The following PRKCB variants were observed in gnomAD, a reference collection of about 807,000 sequenced individuals.
The protein encoded by PRKCB is protein kinase C beta, also known as protein kinase C beta type.
Under a neutral mutation model 81.5 loss-of-function variants are expected in PRKCB, and 13 were observed. The ratio of observed to expected loss-of-function variants is 0.16; its 90% CI spans 0.10 to 0.25. PRKCB has a LOEUF of 0.25. PRKCB is among the 10% of genes least tolerant of loss of function. The probability of loss-of-function intolerance (pLI) is 1.00; values close to 1 mark genes in which losing one functional copy is unlikely to be tolerated. For missense variants in PRKCB, 509 were observed against 875.7 expected (o/e 0.58, Z 5.29); for synonymous variants, 335 against 321.4 (o/e 1.04, Z -0.45).
chr16:23,958,227 G>A (rs1431948614), intron 2 of PRKCB, among the ~76,000 whole-genome samples: 2 of 152,034 alleles, frequency 1.3e-5, no homozygotes, highest in African/African-American at 4.8e-5. Flanking sequence ...CCTGATCTCA[G>A]GTGATCTGCC....
At chr16:24,050,786 C>T (rs956954047) in intron 5 of PRKCB, among the ~76,000 whole-genome samples, 3 of 152,226 alleles carry the variant, frequency 2.0e-5, no homozygotes, top group Non-Finnish European at 4.4e-5. Flanking sequence ...TCTCTTTCTG[C>T]ATCCTGAGAT....
chr16:23,960,723 G>T (rs1028953542), intron 2 of PRKCB, among the ~76,000 whole-genome samples: 11 of 152,176 alleles, frequency 7.2e-5, no homozygotes, highest in African/African-American at 2.4e-4. Flanking sequence ...GTGAGAACAT[G>T]CAGTAAAACA....
intron 2 of PRKCB, among the ~76,000 whole-genome samples, chr16:23,871,339 G>A (rs1168075767): frequency 6.6e-6 from 1 of 152,106 alleles, no homozygotes; most frequent in Non-Finnish European, 1.5e-5. Context: ...GGCCCGTGAA[G>A]GATTTGCCTG....
rs1290205152 is a variant in PRKCB at position 23,836,184 on chromosome 16, C to A, written c.9C>A (p.Asp3Glu). The part of the protein sequence containing the change: MA[D>E]PAAGPPPSEG... The stretch of plus-strand genomic sequence containing the variant: ...GGCTCCCCGCGCGCAAGATGGCTGA[C>A]CCGGCTGCGGGGCCGCCGCCGAGCG... The change falls in exon 1 of 17, where the codon GAC (aspartate) becomes GAA (glutamate). Residue 3 changes from aspartate to glutamate, a missense_variant. Physicochemically the swap from Asp to Glu is conservative, Grantham distance 45. This residue lies in a region of PRKCB where 33 missense variants were observed against 21.9 expected (regional missense o/e 1.50). Transcript: ENST00000643927. 1.9e-6 allele frequency: 3 copies of A among 1,562,166 alleles called. No homozygotes were observed. In the South Asian group the frequency reaches 3.5e-5, roughly 18 times the overall value.
In PRKCB at chr16:24,216,223, C is replaced by T. The variant is rs1456955509; in HGVS notation, c.*1407C>T. The T allele has an allele frequency of 4.1e-6, 4 of 985,258 alleles. No homozygotes were observed. The highest frequency in any genetic ancestry group is 3.6e-6 in the Non-Finnish European group (3 of 829,950). 61.0% of individuals were successfully genotyped at this position (985,258 alleles called of 1,614,324 possible). ...GGTGGGATGACCTGGCCAGAGCCAA[C>T]GAGGATACTGGAGCCCAAAGTCAAG... On this transcript the variant is annotated 3_prime_UTR_variant, in exon 17 of 17. Transcript: ENST00000643927.
Position 24,013,796 on chromosome 16 carries a change from A to AAAT in PRKCB, c.289-18340_289-18339insAAT, listed in dbSNP as rs1965237598. On this transcript the variant is annotated intron_variant, in intron 3 of 16. Coordinates refer to ENST00000643927, the MANE Select transcript of PRKCB (RefSeq NM_002738.7). ...TGTGGAATTGCAAAAAAAAAAAAAA[A>AAAT]GTATAGACATCAGAGTTGGCCTGCA... is the stretch of plus-strand genomic sequence containing the variant. Among the ~76,000 whole-genome samples the AAAT allele has an allele frequency of 2.6e-5, 4 of 151,380 alleles. No individual in the cohort carries two copies. In the South Asian group the frequency reaches 8.4e-4, roughly 32 times the overall value.
intron 2 of PRKCB, among the ~76,000 whole-genome samples, chr16:23,884,426 C>T (rs1429430513): frequency 6.6e-6 from 1 of 152,234 alleles, no homozygotes; most frequent in East Asian, 1.9e-4. Context: ...TTTTCTGCCT[C>T]TCTTTGCAAA....
At chr16:24,098,774 G>A (rs954000260) in intron 7 of PRKCB, 2 of 152,208 alleles carry the variant, frequency 1.3e-5, no homozygotes. Context: ...TATCTTTGCA[G>A]ACTAGGGAGG....
intron 2 of PRKCB, among the ~76,000 whole-genome samples, chr16:23,924,195 C>T (rs188647205): frequency 1.3e-4 from 20 of 152,138 alleles, no homozygotes; most frequent in African/African-American, 4.1e-4. Flanking sequence ...GGCTCCTCCC[C>T]CTTCACTCCT....
At chr16:24,132,111 A>G (rs1966854188) in intron 9 of PRKCB, among the ~76,000 whole-genome samples, 1 of 152,074 alleles carries the variant, frequency 6.6e-6, no homozygotes, top group South Asian at 2.1e-4. Flanking sequence ...TACTCTTTGG[A>G]GATTTTCTAC....
chr16:24,081,880 A>G lies in PRKCB; in HGVS notation c.530-10911A>G, dbSNP rs562125078. Among the ~76,000 whole-genome samples the G allele has an allele frequency of 3.3e-5, 5 of 152,228 alleles. No individual in the cohort carries two copies. In the East Asian group the frequency reaches 9.7e-4, roughly 29 times the overall value. ...AGCAAGACTCTGTCTCAAAAAAGTA[A>G]TAATAAAATAAAAAATAAAAACCAT... On this transcript the variant is annotated intron_variant, in intron 5 of 16. Coordinates refer to ENST00000643927, the MANE Select transcript of PRKCB (RefSeq NM_002738.7).
At chr16:24,035,333 G>T in intron 4 of PRKCB, 86 bp from the exon 5 acceptor site, 1 of 1,507,030 alleles carries the variant, frequency 6.6e-7, no homozygotes, top group Non-Finnish European at 9.0e-7. Context: ...GAAACAGGAA[G>T]GGCTCAGCGG....
At chr16:23,970,224 T>C (rs749957032) in intron 2 of PRKCB, among the ~76,000 whole-genome samples, 6 of 152,040 alleles carry the variant, frequency 3.9e-5, no homozygotes, top group Non-Finnish European at 8.8e-5. Flanking sequence ...ATCAGTGGAG[T>C]TGTCCAAGGT....
At chr16:23,939,762 A>T (rs558467182) in intron 2 of PRKCB, among the ~76,000 whole-genome samples, 3 of 152,226 alleles carry the variant, frequency 2.0e-5, no homozygotes, top group African/African-American at 7.2e-5. Flanking sequence ...AGAAGAAAAC[A>T]TAGGAGAAAA....
chr16:24,214,635 G>T, intron 16 of PRKCB, 23 bp from the exon 17 acceptor site: 5 of 1,599,110 alleles, frequency 3.1e-6, no homozygotes, highest in Non-Finnish European at 4.3e-6. Flanking sequence ...CCCACCACAA[G>T]TTCTTTTCTT....
chr16:23,972,470 G>C (rs1002718393), intron 2 of PRKCB, among the ~76,000 whole-genome samples: 1 of 152,136 alleles, frequency 6.6e-6, no homozygotes, highest in African/African-American at 2.4e-5. Context: ...CTTTTAACTA[G>C]AGACAACCAC....
intron 2 of PRKCB, among the ~76,000 whole-genome samples, chr16:23,929,865 A>G (rs1963947007): frequency 6.6e-6 from 1 of 152,032 alleles, no homozygotes; most frequent in Non-Finnish European, 1.5e-5. Context: ...TGCAAAGTAG[A>G]AGGAGAAGAT....
intron 4 of PRKCB, among the ~76,000 whole-genome samples, chr16:24,034,178 C>A (rs1459875370): frequency 6.6e-6 from 1 of 152,222 alleles, no homozygotes; most frequent in Non-Finnish European, 1.5e-5. Context: ...GGGACAATGT[C>A]CCTGCCTCAG....
At position 24,191,174 on chromosome 16, in the gene PRKCB, A is replaced by C. The variant is rs1458336023; in HGVS notation, c.1807A>C (p.Ile603Leu). The C allele has an allele frequency of 6.2e-6, 10 of 1,614,148 alleles. No homozygotes were observed. Among genetic ancestry groups the C allele is most frequent in the Non-Finnish European group, 8.5e-6 (10 of 1,180,020 alleles). Residue 603 changes from isoleucine (I) to leucine (L), a missense_variant, in exon 16 of 17, where the codon ATT (isoleucine) becomes CTT (leucine). Transcript: ENST00000643927. ...CAAAGAGCATGCATTTTTCCGGTAT[A>C]TTGATTGGGAGAAACTTGAACGCAA... ...DIKEHAFFRY[I>L]DWEKLERKEI...
Sources: allele counts gnomAD v4.1 joint callset (sites outside exome capture counted in the v4.1 genomes callset), GRCh38; gene constraint gnomAD v4.1.1; regional missense constraint gnomAD v4.1.1; transcripts MANE v1.5; gene names NCBI Gene and HGNC (gene_info 2026-07-23, HGNC 2026-07-21).